Variants in EPRS1 observed in about 807,000 individuals in gnomAD.
EPRS1 encodes glutamyl-prolyl-tRNA synthetase 1, also known as bifunctional glutamate/proline--tRNA ligase.
In EPRS1, 107 loss-of-function variants were observed where a neutral mutation model predicts 188.3. The observed-to-expected ratio is 0.57, with a 90% CI of 0.49 to 0.67. EPRS1 has a LOEUF of 0.67. Among genes scored for constraint, EPRS1 ranks in the 30% least tolerant of loss-of-function variants. EPRS1 has a pLI of 0.00. For synonymous variants in EPRS1, 596 were observed against 593.1 expected, an observed-to-expected ratio of 1.00 and a Z score of -0.07; for missense variants, 1,577 against 1,802.2, an observed-to-expected ratio of 0.88 and a Z score of 2.26.
chr1:220,003,393 A>AAT (rs1470318357), intron 16 of EPRS1, among the ~76,000 whole-genome samples: 1 of 152,166 alleles, frequency 6.6e-6, no homozygotes, highest in Non-Finnish European at 1.5e-5. Context: ...TTTGAAACAC[A>AAT]ATATATGTTA....
chr1:220,044,959 T>C (rs74608200), intron 1 of EPRS1, among the ~76,000 whole-genome samples: 435 of 152,298 alleles, frequency 2.9e-3, no homozygotes, highest in African/African-American at 1.0e-2. Context: ...CCCATTCCTT[T>C]TAGAGTTCAT....
chr1:219,979,510 A>C lies in EPRS1; in HGVS notation c.3817T>G (p.Trp1273Gly). The C allele has an allele frequency of 6.2e-7, 1 of 1,614,030 alleles. No homozygotes were observed. The highest frequency in any genetic ancestry group is 8.5e-7 in the Non-Finnish European group (1 of 1,179,908). ...GEKQFAYQNS[W>G]GLTTRTIGVM... is the part of the protein sequence containing the mutation. ...CCAATAGTTCGAGTTGTCAGGCCCCAGGAGTTTTGATAGGCAAATTGCTTC... is the reference window on the plus strand; with the variant it reads ...CCAATAGTTCGAGTTGTCAGGCCCCCGGAGTTTTGATAGGCAAATTGCTTC... Residue 1273 changes from tryptophan (W) to glycine (G), a missense_variant, in exon 27 of 32, where the codon TGG (tryptophan) becomes GGG (glycine). By Grantham distance (184) the Trp-to-Gly change is radical. Transcript: ENST00000366923.
At chr1:219,974,867 T>C (rs1156805869) in intron 28 of EPRS1, among the ~76,000 whole-genome samples, 1 of 152,098 alleles carries the variant, frequency 6.6e-6, no homozygotes, top group African/African-American at 2.4e-5. Context: ...CTTTGTAGGG[T>C]AAATAAGGCA....
At chr1:220,032,632 C>G in intron 4 of EPRS1, 106 bp from the exon 5 acceptor site, 1 of 1,128,836 alleles carries the variant, frequency 8.9e-7, no homozygotes, top group South Asian at 1.3e-5. Flanking sequence ...AGTTGTGCTT[C>G]TAAAGAAAAT....
chr1:220,031,893 A>G (rs1212333437), intron 5 of EPRS1, among the ~76,000 whole-genome samples: 1 of 152,222 alleles, frequency 6.6e-6, no homozygotes, highest in Non-Finnish European at 1.5e-5. Flanking sequence ...TGGATGATCA[A>G]AATATTTAGC....
At chr1:220,020,320 C>G (rs552928306) in intron 9 of EPRS1, 99 bp from the exon 10 acceptor site, 1 of 773,812 alleles carries the variant, frequency 1.3e-6, no homozygotes, top group Admixed American at 2.9e-5. Context: ...TAATTCTTTA[C>G]AAGTTAAGAG....
At chr1:219,987,446 A>T in intron 19 of EPRS1, 42 bp from the exon 20 acceptor site, 1 of 1,503,068 alleles carries the variant, frequency 6.7e-7, no homozygotes, top group Non-Finnish European at 9.0e-7. Context: ...ACAGTATTTA[A>T]CTCAAGTCAT....
intron 2 of EPRS1, among the ~76,000 whole-genome samples, chr1:220,039,488 T>C (rs927469904): frequency 1.3e-5 from 2 of 151,392 alleles, no homozygotes; most frequent in African/African-American, 2.4e-5. Context: ...ACTTAATTAG[T>C]AAGTAAAACA....
At position 219,968,933 on chromosome 1, in the gene EPRS1, G is replaced by A; in HGVS notation, c.4412C>T (p.Ala1471Val). The A allele has an allele frequency of 1.2e-6, 2 of 1,614,078 alleles. No individual in the cohort carries two copies. The highest frequency in any genetic ancestry group is 8.5e-7 in the Non-Finnish European group (1 of 1,179,938). The change falls in exon 32 of 32, where the codon GCT becomes GTT. Residue 1471 changes from alanine to valine, a missense_variant. Physicochemically the swap from Ala to Val is moderately conservative, Grantham distance 64. Coordinates refer to ENST00000366923, the MANE Select transcript of EPRS1 (RefSeq NM_004446.3). ...TARDQDLEPGAPSMGAKSLCI... is the reference protein window; with the variant it reads ...TARDQDLEPGVPSMGAKSLCI... ...AAGGCTTTTAGCTCCCATGGATGGA[G>A]CACCAGGTTCAAGATCTTGATCCCT...
intron 9 of EPRS1, among the ~76,000 whole-genome samples, chr1:220,020,712 G>A (rs1768675): frequency 0.63 from 92,649 of 146,222 alleles, 31,061 homozygotes; most frequent in Non-Finnish European, 0.76. Context: ...AAAAAAAACC[G>A]ACAGAAGACC....
chr1:220,038,895 C>T (rs1167497386), intron 2 of EPRS1, among the ~76,000 whole-genome samples: 1 of 152,126 alleles, frequency 6.6e-6, no homozygotes, highest in Admixed American at 6.6e-5. Flanking sequence ...CTCAGAAGAG[C>T]AGGTGAAGTC....
intron 6 of EPRS1, among the ~76,000 whole-genome samples, chr1:220,027,182 T>C (rs1186576781): frequency 6.6e-6 from 1 of 151,740 alleles, no homozygotes; most frequent in African/African-American, 2.4e-5. Context: ...CCCATCACTT[T>C]GGGAGGTCGA....
Position 220,024,324 on chromosome 1 carries a change from G to C in EPRS1, c.883C>G (p.Pro295Ala). 6.2e-7 allele frequency: 1 copy of C among 1,613,196 alleles called. No homozygotes were observed. Among genetic ancestry groups the C allele is most frequent in the Non-Finnish European group, 8.5e-7 (1 of 1,179,538 alleles). Residue 295 changes from proline (P) to alanine (A), a missense_variant, in exon 8 of 32, where the codon CCT becomes GCT. Coordinates refer to ENST00000366923, the MANE Select transcript of EPRS1 (RefSeq NM_004446.3). ...QEGKAYVDDT[P>A]AEQMKAEREQ... Reference sequence around the variant, plus strand: ...CGTTCTGCTTTCATCTGTTCAGCAGGAGTATCATCCACATAAGCCTTCCCT... The same window carrying C: ...CGTTCTGCTTTCATCTGTTCAGCAGCAGTATCATCCACATAAGCCTTCCCT...
chr1:220,043,055 TG>T (rs1200962819), intron 1 of EPRS1, among the ~76,000 whole-genome samples: 1 of 152,108 alleles, frequency 6.6e-6, no homozygotes. Flanking sequence ...TATGATTCAA[TG>T]TATATGAAAT....
intron 1 of EPRS1, among the ~76,000 whole-genome samples, chr1:220,043,060 A>C (rs1662329557): frequency 6.6e-6 from 1 of 152,224 alleles, no homozygotes; most frequent in Admixed American, 6.5e-5. Flanking sequence ...TTCAATGTAT[A>C]TGAAATTATA....
intron 13 of EPRS1, 44 bp downstream of exon 13, chr1:220,010,902 T>C (rs775394639): frequency 1.9e-5 from 21 of 1,133,286 alleles, no homozygotes; most frequent in South Asian, 3.9e-5. Context: ...TCCTGCTCCT[T>C]CTTTTAACAG....
intron 2 of EPRS1, among the ~76,000 whole-genome samples, chr1:220,036,768 A>AC (rs751255544): frequency 9.2e-5 from 14 of 152,084 alleles, no homozygotes; most frequent in Non-Finnish European, 1.8e-4. Flanking sequence ...TGTACAGCAA[A>AC]CCCCATGACA....
rs1263272191 is a variant in EPRS1 at position 220,005,835 on chromosome 1, TTTTTTG to T, written c.1950+265_1950+270del. 3.5e-3 allele frequency among the ~76,000 whole-genome samples: 151 copies of T among 43,548 alleles called. 12 individuals are homozygous for T. Among genetic ancestry groups the T allele is most frequent in the East Asian group, 7.8e-3 (6 of 766 alleles). 28.6% of individuals were successfully genotyped at this position (43,548 alleles called of 152,430 possible). A position where few individuals can be genotyped will look rare whatever the true frequency, so the allele number is the denominator to read the frequency against. ...TTACATCGTTTTTTTTTTTGTTTTTTTTTTTGTTTTTTTTTGTAGAGACGGGGTTTC... is the reference window on the plus strand; with the variant it reads ...TTACATCGTTTTTTTTTTTGTTTTTTTTTTTTTTTGTAGAGACGGGGTTTC... On this transcript the variant is annotated intron_variant, in intron 15 of 31. Transcript: ENST00000366923.
chr1:220,041,696 CA>C (rs929500393), intron 1 of EPRS1, among the ~76,000 whole-genome samples: 60 of 152,170 alleles, frequency 3.9e-4, no homozygotes, highest in African/African-American at 1.3e-3. Flanking sequence ...CAAAATTAGC[CA>C]GGTGTGGTGG....
Sources: gnomAD v4.1 joint callset for allele counts (sites outside exome capture counted in the v4.1 genomes callset) on GRCh38, gnomAD v4.1.1 for gene constraint, MANE v1.5 for transcripts, NCBI Gene and HGNC (gene_info 2026-07-23, HGNC 2026-07-21) for gene names.